Variants in ZNF438 observed in about 807,000 individuals in gnomAD.
The protein encoded by ZNF438 is zinc finger protein 438.
Under a neutral mutation model 38.0 loss-of-function variants are expected in ZNF438, and 25 were observed. The observed-to-expected ratio is 0.66, with a 90% CI of 0.48 to 0.92. The LOEUF is 0.92. Among genes scored for constraint, ZNF438 ranks in the 40% least tolerant of loss-of-function variants. The pLI is 0.00. For synonymous variants in ZNF438, 372 were observed against 364.1 expected, an observed-to-expected ratio of 1.02 and a Z score of -0.25; for missense variants, 1,007 against 999.6, an observed-to-expected ratio of 1.01 and a Z score of -0.10.
chr10:30,878,534 C>T (rs2038784592), intron 3 of ZNF438, among the ~76,000 whole-genome samples: 1 of 152,138 alleles, frequency 6.6e-6, no homozygotes, highest in African/African-American at 2.4e-5. Context: ...TCTTCTTGGA[C>T]ACCACACAAG....
chr10:30,902,408 C>T (rs918078933), intron 3 of ZNF438, among the ~76,000 whole-genome samples: 2 of 151,998 alleles, frequency 1.3e-5, no homozygotes, highest in Admixed American at 1.3e-4. Context: ...CATTTACAAA[C>T]CTTGAGCTAG....
intron 3 of ZNF438, among the ~76,000 whole-genome samples, chr10:30,895,300 G>A (rs951595295): frequency 6.6e-6 from 1 of 152,224 alleles, no homozygotes; most frequent in African/African-American, 2.4e-5. Context: ...GCAACACTTC[G>A]AGTTAGGGCA....
At chr10:30,905,015 T>C (rs1287875101) in intron 3 of ZNF438, among the ~76,000 whole-genome samples, 1 of 152,194 alleles carries the variant, frequency 6.6e-6, no homozygotes, top group Non-Finnish European at 1.5e-5. Flanking sequence ...TTTGTGTTCA[T>C]ATGGTACCCT....
At chr10:30,957,509 T>C (rs2048993530) in intron 1 of ZNF438, among the ~76,000 whole-genome samples, 1 of 152,230 alleles carries the variant, frequency 6.6e-6, no homozygotes, top group Non-Finnish European at 1.5e-5. Flanking sequence ...AATAGTTTCA[T>C]AGTCTGTCTT....
Position 30,981,874 on chromosome 10 carries a change from T to C in ZNF438, c.-191-40223A>G, listed in dbSNP as rs574097718. Among the ~76,000 whole-genome samples, 203 of 143,284 alleles carry C rather than the reference T, an allele frequency of 1.4e-3. 1 individual carries two copies. Among genetic ancestry groups the C allele is most frequent in the African/African-American group, 4.5e-3 (174 of 38,408 alleles). The allele number at this position is 143,284 out of a possible 152,430, so 94.0% of individuals were successfully genotyped here. ...GCATGGGTGACAGAGCGAGACTCCATCTCAAAAAAAAAAAAAAAGTTCAAT... is the reference window on the plus strand; with the variant it reads ...GCATGGGTGACAGAGCGAGACTCCACCTCAAAAAAAAAAAAAAAGTTCAAT... On this transcript the variant is annotated intron_variant, in intron 1 of 5. Coordinates refer to ENST00000413025, the Ensembl canonical transcript of ZNF438.
intron 4 of ZNF438, among the ~76,000 whole-genome samples, chr10:30,854,801 G>A (rs1389529758): frequency 1.3e-5 from 2 of 152,106 alleles, no homozygotes; most frequent in Non-Finnish European, 2.9e-5. Flanking sequence ...GGATTAGAGC[G>A]AAGACAGAGG....
Position 30,884,336 on chromosome 10 carries a change from CATCCTCTGATTTG to C in ZNF438, c.-31-7284_-31-7272del, listed in dbSNP as rs879779129. ...AAATTTTTGGATAGTTACAATATTG[CATCCTCTGATTTG>C]ATCCTCTGATTTGACTGGATAATAA... On this transcript the variant is annotated intron_variant, in intron 3 of 5. Transcript: ENST00000413025. Among the ~76,000 whole-genome samples the C allele has an allele frequency of 1.1e-3, 162 of 152,152 alleles. 1 individual carries two copies. Among genetic ancestry groups the C allele is most frequent in the Admixed American group, 4.1e-3 (63 of 15,284 alleles).
intron 1 of ZNF438, among the ~76,000 whole-genome samples, chr10:30,986,073 A>ACT (rs2052748905): frequency 6.6e-6 from 1 of 152,172 alleles, no homozygotes; most frequent in South Asian, 2.1e-4. Flanking sequence ...TAGCCCAGGA[A>ACT]CAAGAGGCTA....
At chr10:30,873,661 A>G (rs1364586424) in intron 4 of ZNF438, among the ~76,000 whole-genome samples, 1 of 152,198 alleles carries the variant, frequency 6.6e-6, no homozygotes, top group African/African-American at 2.4e-5. Flanking sequence ...CTAATTAAGG[A>G]CATGCACATA....
chr10:30,993,526 G>A (rs2053722546), intron 1 of ZNF438, among the ~76,000 whole-genome samples: 1 of 152,162 alleles, frequency 6.6e-6, no homozygotes, highest in Non-Finnish European at 1.5e-5. Context: ...AACAGAAGTG[G>A]GGCTATGGTA....
At chr10:30,886,304 ATTCT>A (rs2039944015) in intron 3 of ZNF438, among the ~76,000 whole-genome samples, 4 of 152,306 alleles carry the variant, frequency 2.6e-5, no homozygotes, top group Admixed American at 1.3e-4. Context: ...TGAACTTGTA[ATTCT>A]TAAGTATTCA....
intron 1 of ZNF438, among the ~76,000 whole-genome samples, chr10:30,963,892 T>G (rs1308417441): frequency 6.6e-6 from 1 of 152,100 alleles, no homozygotes; most frequent in Non-Finnish European, 1.5e-5. Context: ...AAATTTTTTT[T>G]GCCAATGAGA....
chr10:30,949,901 T>C (rs1354458627), intron 1 of ZNF438, among the ~76,000 whole-genome samples: 1 of 152,176 alleles, frequency 6.6e-6, no homozygotes, highest in African/African-American at 2.4e-5. Flanking sequence ...GCGGACCTAA[T>C]AGACATCTAC....
Position 30,864,634 on chromosome 10 carries a change from G to A in ZNF438, c.37+12364C>T, listed in dbSNP as rs144905702. Among the ~76,000 whole-genome samples, 340 of 152,074 alleles carry A rather than the reference G, an allele frequency of 2.2e-3. 2 individuals are homozygous for A. The highest frequency in any genetic ancestry group is 7.7e-3 in the African/African-American group (320 of 41,470). ...ACAACATAATTTTTACTGAAGGAAC[G>A]AACTATTAACTCTCAACCATATTGA... On this transcript the variant is annotated intron_variant, in intron 4 of 5. Coordinates refer to ENST00000413025, the Ensembl canonical transcript of ZNF438.
intron 3 of ZNF438, among the ~76,000 whole-genome samples, chr10:30,890,939 G>A (rs9417821): frequency 0.78 from 118,412 of 152,160 alleles, 46,813 homozygotes; most frequent in African/African-American, 0.88. Context: ...AATTTTTGTG[G>A]GTACGCAATT....
chr10:30,874,112 GTGTA>G (rs1564540933), intron 4 of ZNF438, among the ~76,000 whole-genome samples: 3 of 36,074 alleles, frequency 8.3e-5, no homozygotes, highest in Non-Finnish European at 1.6e-4. Context: ...GGGTGTGTGT[GTGTA>G]TATATATATA....
intron 3 of ZNF438, among the ~76,000 whole-genome samples, chr10:30,898,022 T>C (rs980808473): frequency 7.9e-5 from 12 of 152,148 alleles, no homozygotes; most frequent in Non-Finnish European, 1.5e-4. Flanking sequence ...ACAAAATCAA[T>C]TGGTTGCTGC....
intron 1 of ZNF438, among the ~76,000 whole-genome samples, chr10:31,003,311 C>T (rs2054834552): frequency 6.6e-6 from 1 of 152,156 alleles, no homozygotes; most frequent in Admixed American, 6.5e-5. Flanking sequence ...CCACCCAGTA[C>T]ATGTTTTACC....
Position 30,999,047 on chromosome 10 carries a change from A to C in ZNF438, c.-192+32786T>G, listed in dbSNP as rs2054370593. On this transcript the variant is annotated intron_variant, in intron 1 of 5. Transcript: ENST00000413025. ...CCAGAGAAAGCACACTTTTAACAGA[A>C]ATAACAAAAAACACTAGAATTGTGC... Among the ~76,000 whole-genome samples, 4 of 152,212 alleles carry C rather than the reference A, an allele frequency of 2.6e-5. No homozygotes were observed. The South Asian group carries it at 8.3e-4, about 32-fold the overall frequency.
Sources: allele counts gnomAD v4.1 joint callset (sites outside exome capture counted in the v4.1 genomes callset), GRCh38; gene constraint gnomAD v4.1.1; transcripts MANE v1.5; gene names NCBI Gene and HGNC (gene_info 2026-07-23, HGNC 2026-07-21).